The following GUCY1A2 variants were observed in gnomAD, a reference collection of about 807,000 sequenced individuals.
GUCY1A2 encodes guanylate cyclase soluble subunit alpha-2.
In GUCY1A2, 27 loss-of-function variants were observed where a neutral mutation model predicts 63.5. The observed-to-expected ratio is 0.43, with a 90% CI of 0.31 to 0.59. The LOEUF is 0.59. Among genes scored for constraint, GUCY1A2 ranks in the 20% least tolerant of loss-of-function variants. The pLI, the probability that GUCY1A2 is intolerant of heterozygous loss-of-function variation, is 0.11. For missense variants in GUCY1A2, 768 were observed against 913.3 expected (o/e 0.84, Z 2.05); for synonymous variants, 364 against 343.5 (o/e 1.06, Z -0.66).
chr11:106,801,927 G>A lies in GUCY1A2; in HGVS notation c.1692+8066C>T, dbSNP rs1456628937. Among the ~76,000 whole-genome samples the A allele has an allele frequency of 2.0e-5, 3 of 152,148 alleles. No homozygotes were observed. The South Asian group carries it at 6.2e-4, about 32-fold the overall frequency. Reference sequence around the variant, plus strand: ...AACACCTATTCCACAGGATTGTTCTGGAAAATAAGTGAAATATCACAGTTT... The same window carrying A: ...AACACCTATTCCACAGGATTGTTCTAGAAAATAAGTGAAATATCACAGTTT... On this transcript the variant is annotated intron_variant, in intron 5 of 7. Transcript: ENST00000526355.
intron 6 of GUCY1A2, among the ~76,000 whole-genome samples, chr11:106,750,794 CT>C (rs67195202): frequency 0.048 from 7,165 of 148,572 alleles, 253 homozygotes; most frequent in African/African-American, 0.093. Context: ...ATGCGATTTC[CT>C]TTTTTTTTTC....
At chr11:106,724,494 C>T (rs1242193645) in intron 6 of GUCY1A2, among the ~76,000 whole-genome samples, 3 of 152,184 alleles carry the variant, frequency 2.0e-5, no homozygotes, top group Non-Finnish European at 4.4e-5. Context: ...GTGCCTTTAT[C>T]CTGTTTACAC....
intron 4 of GUCY1A2, among the ~76,000 whole-genome samples, chr11:106,823,198 T>C (rs1284267909): frequency 6.6e-6 from 1 of 152,150 alleles, no homozygotes; most frequent in African/African-American, 2.4e-5. Flanking sequence ...CACTCAAATA[T>C]TGAACATTGT....
intron 3 of GUCY1A2, among the ~76,000 whole-genome samples, chr11:106,964,487 A>C (rs1185887998): frequency 1.3e-5 from 2 of 152,234 alleles, no homozygotes; most frequent in African/African-American, 4.8e-5. Context: ...AACAATTAGG[A>C]AGCACATCAT....
intron 2 of GUCY1A2, among the ~76,000 whole-genome samples, chr11:106,980,237 C>T (rs1290044257): frequency 1.3e-5 from 2 of 152,176 alleles, no homozygotes; most frequent in African/African-American, 4.8e-5. Flanking sequence ...CTTGAGTTGT[C>T]TGGTTGTCAT....
chr11:106,713,986 C>A (rs1863171402), intron 6 of GUCY1A2, among the ~76,000 whole-genome samples: 1 of 146,272 alleles, frequency 6.8e-6, no homozygotes, highest in African/African-American at 2.6e-5. Context: ...GAGTATTACA[C>A]TGACACATTT....
intron 3 of GUCY1A2, among the ~76,000 whole-genome samples, chr11:106,947,302 C>G (rs1860843745): frequency 6.6e-6 from 1 of 150,856 alleles, no homozygotes; most frequent in Non-Finnish European, 1.5e-5. Flanking sequence ...CAGTACCAAG[C>G]TATGTAACGA....
intron 4 of GUCY1A2, among the ~76,000 whole-genome samples, chr11:106,874,555 T>C (rs1254327489): frequency 1.3e-5 from 2 of 152,142 alleles, no homozygotes; most frequent in Admixed American, 6.6e-5. Flanking sequence ...TAGTATGCCA[T>C]TGTTATTTTC....
At chr11:106,818,351 T>A (rs1418738244) in intron 4 of GUCY1A2, among the ~76,000 whole-genome samples, 4 of 152,140 alleles carry the variant, frequency 2.6e-5, no homozygotes, top group Non-Finnish European at 5.9e-5. Context: ...TGGTAACCTG[T>A]GATCAGTGAT....
chr11:106,791,956 C>T (rs1205767862), intron 5 of GUCY1A2, among the ~76,000 whole-genome samples: 1 of 152,016 alleles, frequency 6.6e-6, no homozygotes, highest in African/African-American at 2.4e-5. Flanking sequence ...GTAAGGGCAG[C>T]ATCATCCTGA....
chr11:106,728,716 T>TA (rs1239203523), intron 6 of GUCY1A2, among the ~76,000 whole-genome samples: 1 of 152,184 alleles, frequency 6.6e-6, no homozygotes, highest in African/African-American at 2.4e-5. Context: ...AATTTTATAA[T>TA]TACCGAAGAT....
chr11:107,001,069 T>C (rs1861606603), intron 1 of GUCY1A2, among the ~76,000 whole-genome samples: 3 of 152,218 alleles, frequency 2.0e-5, no homozygotes, highest in South Asian at 2.1e-4. Context: ...AGGGGTAATA[T>C]GAATTTTTCT....
intron 4 of GUCY1A2, among the ~76,000 whole-genome samples, chr11:106,890,449 T>C (rs1189857433): frequency 6.6e-6 from 1 of 152,180 alleles, no homozygotes; most frequent in Non-Finnish European, 1.5e-5. Flanking sequence ...ACTTTACTTC[T>C]TCCACCTGAA....
At chr11:106,938,093 A>G (rs1016835713) in intron 4 of GUCY1A2, among the ~76,000 whole-genome samples, 3 of 151,894 alleles carry the variant, frequency 2.0e-5, no homozygotes, top group Non-Finnish European at 2.9e-5. Flanking sequence ...ACCCGCCACC[A>G]TGCCCAGCTC....
chr11:106,950,683 A>G (rs1860894521), intron 3 of GUCY1A2, among the ~76,000 whole-genome samples: 2 of 152,218 alleles, frequency 1.3e-5, no homozygotes, highest in Non-Finnish European at 2.9e-5. Flanking sequence ...AAGAGGCAGC[A>G]GGAAAGCATG....
intron 5 of GUCY1A2, among the ~76,000 whole-genome samples, chr11:106,800,925 A>C (rs1482138253): frequency 6.6e-6 from 1 of 151,956 alleles, no homozygotes; most frequent in Non-Finnish European, 1.5e-5. Context: ...GGACCTACTG[A>C]AAGTTGTTCC....
chr11:106,784,831 G>T (rs1211778268), intron 5 of GUCY1A2, among the ~76,000 whole-genome samples: 3 of 152,152 alleles, frequency 2.0e-5, no homozygotes, highest in Non-Finnish European at 1.5e-5. Flanking sequence ...CTCCGTACTT[G>T]TCCTCCATGT....
chr11:106,833,455 A>G (rs891169051), intron 4 of GUCY1A2, among the ~76,000 whole-genome samples: 8 of 152,086 alleles, frequency 5.3e-5, no homozygotes, highest in African/African-American at 1.9e-4. Context: ...CCATATACCC[A>G]TCTAATATTA....
At chr11:106,824,964 T>C in intron 4 of GUCY1A2, 2 of 1,612,962 alleles carry the variant, frequency 1.2e-6, no homozygotes, top group East Asian at 2.2e-5. Flanking sequence ...CTGACATGAA[T>C]GTTACTAAAT....
Sources: allele counts gnomAD v4.1 joint callset (sites outside exome capture counted in the v4.1 genomes callset), GRCh38; gene constraint gnomAD v4.1.1; transcripts MANE v1.5; gene names NCBI Gene and HGNC (gene_info 2026-07-23, HGNC 2026-07-21).